SH3BGR: variants seen among roughly 807,000 people sequenced by gnomAD.
SH3BGR encodes the protein SH3 domain-binding glutamic acid-rich protein.
Under a neutral mutation model 24.5 loss-of-function variants are expected in SH3BGR, and 29 were observed. The ratio of observed to expected loss-of-function variants is 1.18; its 90% CI spans 0.88 to 1.61. The LOEUF is 1.61. SH3BGR is among the 40% of genes most tolerant of loss of function. SH3BGR has a pLI of 0.00. For missense variants in SH3BGR, 162 were observed against 205.8 expected, an observed-to-expected ratio of 0.79 and a Z score of 1.30; for synonymous variants, 55 against 65.7, an observed-to-expected ratio of 0.84 and a Z score of 0.79.
intron 3 of SH3BGR, among the ~76,000 whole-genome samples, chr21:39,480,574 G>A (rs538991049): frequency 1.1e-4 from 16 of 152,330 alleles, no homozygotes; most frequent in African/African-American, 3.8e-4. Context: ...TGGATGGACT[G>A]CATTTTACAC....
rs552967063 is a variant in SH3BGR, at chr21:39,503,010, G to A, written c.405+3095G>A. Among the ~76,000 whole-genome samples the A allele has an allele frequency of 5.5e-5, 8 of 145,476 alleles. No homozygotes were observed. The South Asian group carries it at 6.5e-4, about 12-fold the overall frequency. On this transcript the variant is annotated intron_variant, in intron 4 of 6. Transcript: ENST00000333634. ...CTTTTTTTTTTTTTCCTCAGGGACC[G>A]CCTAGCTTTATCACCCCATTAGCCT...
chr21:39,492,785 A>G lies in SH3BGR; in HGVS notation c.313-7038A>G, dbSNP rs551998133. 1.5e-4 allele frequency among the ~76,000 whole-genome samples: 23 copies of G among 151,988 alleles called. No homozygotes were observed. The South Asian group carries it at 2.3e-3, about 15-fold the overall frequency. On this transcript the variant is annotated intron_variant, in intron 3 of 6. Coordinates refer to ENST00000333634, the MANE Select transcript of SH3BGR (RefSeq NM_007341.3). ...GTTCACTGCATCCACGCCAACACCT[A>G]TATTTTTTGATTTTTTGATTATGGC...
intron 3 of SH3BGR, among the ~76,000 whole-genome samples, chr21:39,484,554 C>G (rs187326839): frequency 6.6e-6 from 1 of 152,216 alleles, no homozygotes; most frequent in Admixed American, 6.5e-5. Context: ...AGATCCTACC[C>G]TGATTTGTGC....
intron 2 of SH3BGR, 27 bp downstream of exon 2, chr21:39,462,587 CT>C: frequency 6.8e-7 from 1 of 1,470,762 alleles, no homozygotes; most frequent in Non-Finnish European, 9.0e-7. Flanking sequence ...ATTAAAAATC[CT>C]GCTGTGTGTG....
intron 1 of SH3BGR, among the ~76,000 whole-genome samples, chr21:39,460,726 C>T (rs994799866): frequency 1.3e-5 from 2 of 152,238 alleles, no homozygotes; most frequent in South Asian, 4.1e-4. Context: ...CCTTGGCCTC[C>T]CAAAGTGTTG....
At chr21:39,500,434 G>A (rs1362326578) in intron 4 of SH3BGR, among the ~76,000 whole-genome samples, 7 of 152,120 alleles carry the variant, frequency 4.6e-5, no homozygotes, top group Non-Finnish European at 5.9e-5. Flanking sequence ...GAAGTCACAT[G>A]ATTAATTCTA....
Position 39,451,994 on chromosome 21 carries a change from C to A in SH3BGR, c.-103C>A. ...CAGTGGACCCCTGGGCTGCTGCCAG[C>A]CCCGACCTGGCACTTGCTTGCCTGT... On this transcript the variant is annotated 5_prime_UTR_variant, in exon 1 of 7. Transcript: ENST00000333634. The A allele has an allele frequency of 1.2e-6, 2 of 1,614,168 alleles. No individual in the cohort carries two copies. Among genetic ancestry groups the A allele is most frequent in the Non-Finnish European group, 1.7e-6 (2 of 1,180,016 alleles).
At chr21:39,493,731 T>G (rs1236476464) in intron 3 of SH3BGR, among the ~76,000 whole-genome samples, 1 of 152,226 alleles carries the variant, frequency 6.6e-6, no homozygotes, top group Non-Finnish European at 1.5e-5. Flanking sequence ...ATAATATTGA[T>G]TCTACCCATT....
At chr21:39,492,398 G>A (rs939887235) in intron 3 of SH3BGR, among the ~76,000 whole-genome samples, 8 of 151,642 alleles carry the variant, frequency 5.3e-5, no homozygotes, top group Non-Finnish European at 1.2e-4. Context: ...AAGTTGCTGC[G>A]AATGCCATTA....
At chr21:39,476,908 G>T (rs1308570192) in intron 3 of SH3BGR, among the ~76,000 whole-genome samples, 2 of 152,160 alleles carry the variant, frequency 1.3e-5, no homozygotes, top group African/African-American at 4.8e-5. Flanking sequence ...ATTTTTGACA[G>T]AGTTACTGTC....
chr21:39,463,397 G>T (rs983352973), intron 2 of SH3BGR, among the ~76,000 whole-genome samples: 1 of 152,156 alleles, frequency 6.6e-6, no homozygotes, highest in African/African-American at 2.4e-5. Context: ...TCGTTGGAAA[G>T]AAATATTTTT....
chr21:39,469,848 G>C (rs1213700157), intron 2 of SH3BGR, among the ~76,000 whole-genome samples: 1 of 151,890 alleles, frequency 6.6e-6, no homozygotes, highest in Non-Finnish European at 1.5e-5. Context: ...TAGAGACAGG[G>C]TGTCATCATG....
At position 39,469,545 on chromosome 21, in the gene SH3BGR, T is replaced by C. The variant is rs556327143; in HGVS notation, c.232-5590T>C. On this transcript the variant is annotated intron_variant, in intron 2 of 6. Transcript: ENST00000333634. The stretch of plus-strand genomic sequence containing the variant: ...GCTTAGCTCACTTTTAACCTTTTTT[T>C]CTTCTCTAATGTCAATATTTAAGGC... 6.2e-4 allele frequency among the ~76,000 whole-genome samples: 95 copies of C among 152,042 alleles called. 1 individual carries two copies. The highest frequency in any genetic ancestry group is 2.1e-3 in the Admixed American group (32 of 15,270).
upstream of SH3BGR, among the ~76,000 whole-genome samples, chr21:39,447,912 G>T (rs2077529580): frequency 6.6e-6 from 1 of 152,170 alleles, no homozygotes; most frequent in African/African-American, 2.4e-5. Context: ...TAGAACAATA[G>T]AACTTTATCT....
At chr21:39,498,776 G>A (rs1488826418) in intron 3 of SH3BGR, among the ~76,000 whole-genome samples, 1 of 151,922 alleles carries the variant, frequency 6.6e-6, no homozygotes, top group African/African-American at 2.4e-5. Context: ...CCATCCACCT[G>A]TCCATCTATC....
intron 3 of SH3BGR, among the ~76,000 whole-genome samples, chr21:39,481,621 C>T (rs2078131909): frequency 6.6e-6 from 1 of 152,190 alleles, no homozygotes; most frequent in South Asian, 2.1e-4. Flanking sequence ...AATTAAAAAA[C>T]TCATTTGTCA....
At chr21:39,510,161 C>A (rs1283485249) in intron 5 of SH3BGR, among the ~76,000 whole-genome samples, 3 of 126,962 alleles carry the variant, frequency 2.4e-5, no homozygotes, top group Non-Finnish European at 5.0e-5. Context: ...CCAAGATGGT[C>A]TCGATCTCCT....
upstream of SH3BGR, among the ~76,000 whole-genome samples, chr21:39,447,416 C>CAT (rs1227234170): frequency 9.9e-4 from 114 of 114,702 alleles, 2 homozygotes; most frequent in Admixed American, 1.4e-3. Context: ...TTCGCTTTTG[C>CAT]TTTTTTTTTT....
rs1276345233 is a variant in SH3BGR at position 39,515,119 on chromosome 21, GTC to G, written c.*71_*72del. The G allele has an allele frequency of 4.3e-6, 2 of 470,578 alleles. No homozygotes were observed. The highest frequency in any genetic ancestry group is 3.1e-5 in the South Asian group (2 of 64,194). 29.2% of individuals were successfully genotyped at this position (470,578 alleles called of 1,614,324 possible). ...GAAGCTATGAAGCAACATTTCAAAT[GTC>G]TCTCCACAAACCAAACTCAACAGAA... On this transcript the variant is annotated 3_prime_UTR_variant, in exon 7 of 7. Transcript: ENST00000333634.
Sources: gnomAD v4.1 joint callset for allele counts (sites outside exome capture counted in the v4.1 genomes callset) on GRCh38, gnomAD v4.1.1 for gene constraint, MANE v1.5 for transcripts, NCBI Gene and HGNC (gene_info 2026-07-23, HGNC 2026-07-21) for gene names.